The following ACSF2 variants were observed in gnomAD, a reference collection of about 807,000 sequenced individuals.
The protein encoded by ACSF2 is acyl-CoA synthetase family member 2, also known as medium-chain acyl-CoA ligase ACSF2, mitochondrial.
In ACSF2, 52 loss-of-function variants were observed where a neutral mutation model predicts 79.3. The ratio of observed to expected loss-of-function variants is 0.66; its 90% CI spans 0.53 to 0.83. The LOEUF (loss-of-function observed/expected upper bound fraction) is 0.83. Among genes scored for constraint, ACSF2 ranks in the 40% least tolerant of loss-of-function variants. The pLI is 0.00. For missense variants in ACSF2, 661 were observed against 803.3 expected (o/e 0.82, Z 2.14); for synonymous variants, 283 against 312.6 (o/e 0.91, Z 1.00).
chr17:50,461,002 A>G, intron 2 of ACSF2, 130 bp downstream of exon 2: 1 of 1,209,482 alleles, frequency 8.3e-7, no homozygotes, highest in Non-Finnish European at 1.1e-6. Context: ...ACCCCGAGGG[A>G]TGGCAGGAGA....
At chr17:50,457,711 C>T (rs1363411675) in intron 1 of ACSF2, among the ~76,000 whole-genome samples, 1 of 152,174 alleles carries the variant, frequency 6.6e-6, no homozygotes, top group Non-Finnish European at 1.5e-5. Flanking sequence ...ATTTCTCTTC[C>T]TACCACACTA....
chr17:50,473,527 G>T (rs1862163100), intron 12 of ACSF2, 138 bp from the exon 13 acceptor site: 1 of 1,213,346 alleles, frequency 8.2e-7, no homozygotes, highest in Non-Finnish European at 1.2e-6. Context: ...CAGAGACTGT[G>T]TCTTGTTCCT....
intron 1 of ACSF2, among the ~76,000 whole-genome samples, chr17:50,441,576 G>A (rs2030925243): frequency 6.6e-6 from 1 of 152,314 alleles, no homozygotes; most frequent in East Asian, 1.9e-4. Flanking sequence ...CAGGTTGGCT[G>A]TTTACATGCT....
intron 1 of ACSF2, among the ~76,000 whole-genome samples, chr17:50,441,005 A>C (rs779361361): frequency 6.6e-6 from 1 of 152,236 alleles, no homozygotes; most frequent in African/African-American, 2.4e-5. Context: ...GGGGCTCCCC[A>C]TGGACTGGAG....
intron 3 of ACSF2, 78 bp from the exon 4 acceptor site, chr17:50,461,555 T>C (rs908915157): frequency 1.2e-6 from 2 of 1,601,972 alleles, no homozygotes; most frequent in Non-Finnish European, 1.7e-6. Flanking sequence ...GCTGCCTCTA[T>C]GCCTCCTGGG....
At chr17:50,440,371 T>TC (rs1279084922) in intron 1 of ACSF2, among the ~76,000 whole-genome samples, 1 of 152,180 alleles carries the variant, frequency 6.6e-6, no homozygotes, top group Non-Finnish European at 1.5e-5. Context: ...CTGAGGCATT[T>TC]CCACCCCCCG....
rs866369340 is a variant in ACSF2 at position 50,460,792 on chromosome 17, G to A, written c.244G>A (p.Ala82Thr). The stretch of plus-strand genomic sequence containing the variant: ...TGTGGGCCAGTGCCTGGAGACCACA[G>A]CACAGAGGGTCCCAGAACGAGAGGC... ...KTVGQCLETT[A>T]QRVPEREALV... Residue 82 changes from alanine to threonine, a missense_variant, in exon 2 of 16, where the codon GCA (alanine) becomes ACA (threonine). Coordinates refer to ENST00000300441, the MANE Select transcript of ACSF2 (RefSeq NM_025149.6). 8.1e-6 allele frequency: 13 copies of A among 1,612,704 alleles called. No individual in the cohort carries two copies. Among genetic ancestry groups the A allele is most frequent in the African/African-American group, 5.3e-5 (4 of 74,912 alleles).
At chr17:50,434,816 G>T (rs888625978) in intron 1 of ACSF2, among the ~76,000 whole-genome samples, 3 of 151,598 alleles carry the variant, frequency 2.0e-5, no homozygotes, top group African/African-American at 7.3e-5. Flanking sequence ...GTGGTAGAAA[G>T]ATCATGGGGC....
chr17:50,440,445 A>G (rs1410346297), intron 1 of ACSF2, among the ~76,000 whole-genome samples: 1 of 152,196 alleles, frequency 6.6e-6, no homozygotes, highest in African/African-American at 2.4e-5. Flanking sequence ...CCAGCAGGTA[A>G]TATGTAACAG....
chr17:50,454,364 T>C (rs2031863949), intron 1 of ACSF2, among the ~76,000 whole-genome samples: 1 of 151,680 alleles, frequency 6.6e-6, no homozygotes, highest in African/African-American at 2.4e-5. Flanking sequence ...CCAAAATAAA[T>C]AATTTAATTT....
intron 10 of ACSF2, among the ~76,000 whole-genome samples, chr17:50,466,670 C>T (rs2032750974): frequency 6.6e-6 from 1 of 152,242 alleles, no homozygotes; most frequent in Non-Finnish European, 1.5e-5. Context: ...GCTCTGTCCT[C>T]ACTGCTCCCC....
Position 50,449,441 on chromosome 17 carries a change from G to T in ACSF2, c.129-11236G>T, listed in dbSNP as rs189505012. On this transcript the variant is annotated intron_variant, in intron 1 of 15. Coordinates refer to ENST00000300441, the MANE Select transcript of ACSF2 (RefSeq NM_025149.6). ...TTTCTTTGAGACTGAGTCTCGCTTT[G>T]TCACCCAGGCTGGAGTGCAGTGGCG... Among the ~76,000 whole-genome samples the T allele has an allele frequency of 3.2e-3, 469 of 145,860 alleles. 1 individual carries two copies. Among genetic ancestry groups the T allele is most frequent in the African/African-American group, 0.011 (442 of 39,262 alleles).
intron 10 of ACSF2, chr17:50,465,949 G>T: frequency 6.5e-7 from 1 of 1,538,928 alleles, no homozygotes; most frequent in Non-Finnish European, 8.9e-7. Flanking sequence ...CAGAGGGGCA[G>T]GATCCTTCCC....
intron 11 of ACSF2, 73 bp from the exon 12 acceptor site, chr17:50,472,355 T>A: frequency 6.5e-7 from 1 of 1,547,276 alleles, no homozygotes; most frequent in East Asian, 2.4e-5. Context: ...GGCAAAGCTC[T>A]CTCCATTTCC....
chr17:50,456,692 A>AT (rs893961850), intron 1 of ACSF2, among the ~76,000 whole-genome samples: 6 of 151,830 alleles, frequency 4.0e-5, no homozygotes, highest in South Asian at 2.1e-4. Flanking sequence ...AGATCACGCC[A>AT]TTGCACTCCA....
At chr17:50,453,741 T>C (rs1440991587) in intron 1 of ACSF2, among the ~76,000 whole-genome samples, 1 of 151,898 alleles carries the variant, frequency 6.6e-6, no homozygotes, top group African/African-American at 2.4e-5. Flanking sequence ...TTGTAGTTTT[T>C]TGTGGTTGTT....
intron 1 of ACSF2, among the ~76,000 whole-genome samples, chr17:50,459,892 C>G (rs1482312454): frequency 2.0e-5 from 3 of 152,326 alleles, no homozygotes; most frequent in Non-Finnish European, 1.5e-5. Flanking sequence ...CTCTCAGGCT[C>G]TTGGTGCCCC....
At chr17:50,473,827 G>A in intron 13 of ACSF2, 21 bp downstream of exon 13, 3 of 1,613,822 alleles carry the variant, frequency 1.9e-6, no homozygotes, top group Non-Finnish European at 2.5e-6. Context: ...TGGCTCAGGT[G>A]AGCCCCCAGA....
At chr17:50,459,784 T>TG (rs2032223267) in intron 1 of ACSF2, among the ~76,000 whole-genome samples, 1 of 152,050 alleles carries the variant, frequency 6.6e-6, no homozygotes, top group African/African-American at 2.4e-5. Flanking sequence ...AATGGATAGG[T>TG]AGCCACATGT....
Sources: allele counts gnomAD v4.1 joint callset (sites outside exome capture counted in the v4.1 genomes callset), GRCh38; gene constraint gnomAD v4.1.1; transcripts MANE v1.5; gene names NCBI Gene and HGNC (gene_info 2026-07-23, HGNC 2026-07-21).